The following ZNF513 variants were observed in gnomAD, a reference collection of about 807,000 sequenced individuals.
ZNF513 encodes zinc finger protein 513.
ZNF513 carries 16 observed loss-of-function variants against 39.7 expected under a neutral mutation model. That is an observed-to-expected ratio of 0.40 (90% CI 0.27 to 0.61). ZNF513 has a LOEUF of 0.61. Ranked by LOEUF, ZNF513 falls within the 20% of genes least tolerant of loss-of-function variation. The probability of loss-of-function intolerance (pLI) is 0.39; values close to 1 mark genes in which losing one functional copy is unlikely to be tolerated. For missense variants in ZNF513, 699 were observed against 743.6 expected (o/e 0.94, Z 0.70); for synonymous variants, 348 against 296.5 (o/e 1.17, Z -1.79).
Position 27,378,954 on chromosome 2 carries a change from TGG to T in ZNF513, c.310_311del (p.Pro104SerfsTer10). On this transcript the variant is annotated frameshift_variant, in exon 3 of 4. Coordinates refer to ENST00000323703, the MANE Select transcript of ZNF513 (RefSeq NM_144631.6). LOFTEE classifies it high-confidence loss of function. This position sits in a 1 kb window ranked among gnomAD's most constrained non-coding sequence, Gnocchi z 8.0. Reference sequence around the variant, plus strand: ...CCCTGGCCTCCCCTGGACCCCTGGCTGGCTCCTCAACTTCACTCTCCGCACTT... The same window carrying T: ...CCCTGGCCTCCCCTGGACCCCTGGCTCTCCTCAACTTCACTCTCCGCACTT... ...ALSAESEVEEPARGPGEARGE... is the reference protein window; with the variant it reads ...ALSAESEVEEXARGPGEARGE... The T allele has an allele frequency of 6.2e-7, 1 of 1,611,996 alleles. No homozygotes were observed. The highest frequency in any genetic ancestry group is 8.5e-7 in the Non-Finnish European group (1 of 1,179,124).
chr2:27,377,711 T>C lies in ZNF513; in HGVS notation c.1460A>G (p.Tyr487Cys). The C allele has an allele frequency of 6.2e-7, 1 of 1,614,190 alleles. No individual in the cohort carries two copies. The highest frequency in any genetic ancestry group is 8.5e-7 in the Non-Finnish European group (1 of 1,180,030). Residue 487 changes from tyrosine to cysteine, a missense_variant, in exon 4 of 4, where the codon TAC becomes TGC. This residue lies in a region of ZNF513 where 98 missense variants were observed against 180.2 expected (regional missense o/e 0.54). Transcript: ENST00000323703. This position sits in a 1 kb window ranked among gnomAD's most constrained non-coding sequence, Gnocchi z 4.4. ...GCCATGCACCTTCTGGTGGCGCTTGTAGTTGTCCCAGTGGCCCGTGGTATA... is the reference window on the plus strand; with the variant it reads ...GCCATGCACCTTCTGGTGGCGCTTGCAGTTGTCCCAGTGGCCCGTGGTATA... ...CAYTTGHWDN[Y>C]KRHQKVHGHG...
rs753481009 is a variant in ZNF513, at chr2:27,378,649, T to C, written c.617A>G (p.Tyr206Cys). 2.5e-6 allele frequency: 4 copies of C among 1,613,812 alleles called. No homozygotes were observed. Among genetic ancestry groups the C allele is most frequent in the South Asian group, 1.1e-5 (1 of 91,074 alleles). ...GGCAAAGGGGCAGTGGGGACAGCGG[T>C]AGGGCTTCTCGCCAGTGTGGGTGCG... ...HTRTHTGEKP[Y>C]RCPHCPFACS... The change falls in exon 3 of 4, where the codon TAC (tyrosine) becomes TGC (cysteine). Residue 206 changes from tyrosine to cysteine, a missense_variant. Physicochemically the swap from Tyr to Cys is radical, Grantham distance 194. Transcript: ENST00000323703. This position sits in a 1 kb window ranked among gnomAD's most constrained non-coding sequence, Gnocchi z 8.0.
Position 27,380,656 on chromosome 2 carries a change from G to A in ZNF513, c.-130C>T. The A allele has an allele frequency of 7.5e-7, 1 of 1,333,594 alleles. No homozygotes were observed. Among genetic ancestry groups the A allele is most frequent in the South Asian group, 2.0e-5 (1 of 50,654 alleles). 82.6% of individuals were successfully genotyped at this position (1,333,594 alleles called of 1,614,324 possible). ...CCCCCATGCAGCGGCGCGGGCCCTG[G>A]GCAGCCCCCGGCCCTGGCCCCGGCG... On this transcript the variant is annotated 5_prime_UTR_variant, in exon 1 of 4. Coordinates refer to ENST00000323703, the MANE Select transcript of ZNF513 (RefSeq NM_144631.6).
chr2:27,378,297 G>C lies in ZNF513; in HGVS notation c.874C>G (p.Leu292Val). 6.2e-7 allele frequency: 1 copy of C among 1,600,908 alleles called. No individual in the cohort carries two copies. The highest frequency in any genetic ancestry group is 1.1e-5 in the South Asian group (1 of 91,086). Residue 292 changes from leucine (L) to valine (V), a missense_variant, in exon 4 of 4, where the codon CTG becomes GTG. This residue lies in a region of ZNF513 where 530 missense variants were observed against 499.3 expected (regional missense o/e 1.06). Coordinates refer to ENST00000323703, the MANE Select transcript of ZNF513 (RefSeq NM_144631.6). This position sits in a 1 kb window ranked among gnomAD's most constrained non-coding sequence, Gnocchi z 8.0. ...CAGAGGCCCTCCCCTTCACCCCGCA[G>C]CTGCCCACAGTCTGGCAGGAAACTG... ...GASFLPDCGQ[L>V]RGEGEGLCGT... is the part of the protein sequence containing the mutation.
Position 27,377,265 on chromosome 2 carries a change from T to C in ZNF513, c.*280A>G. 1.7e-6 allele frequency: 1 copy of C among 595,540 alleles called. No homozygotes were observed. Among genetic ancestry groups the C allele is most frequent in the Non-Finnish European group, 3.0e-6 (1 of 332,930 alleles). 36.9% of individuals were successfully genotyped at this position (595,540 alleles called of 1,614,324 possible). On this transcript the variant is annotated 3_prime_UTR_variant, in exon 4 of 4. Coordinates refer to ENST00000323703, the MANE Select transcript of ZNF513 (RefSeq NM_144631.6). This position sits in a 1 kb window ranked among gnomAD's most constrained non-coding sequence, Gnocchi z 4.4. ...TAGTGTTTCCTTTATTATAAAGCAC[T>C]GAAATAAGTTAAATAAACAGGTGGG...
Position 27,380,304 on chromosome 2 carries a change from ACACTTCC to A in ZNF513, c.56-63_56-57del. On this transcript the variant is annotated intron_variant, in intron 1 of 3. Coordinates refer to ENST00000323703, the MANE Select transcript of ZNF513 (RefSeq NM_144631.6). ...CCTCAGGAACCAGCCCTCGTGGACC[ACACTTCC>A]CGTACTCGCTGACCCACTCTGATTC... The A allele has an allele frequency of 2.5e-6, 4 of 1,612,466 alleles. No individual in the cohort carries two copies. The South Asian group carries it at 4.4e-5, about 18-fold the overall frequency.
Position 27,378,824 on chromosome 2 carries a change from G to A in ZNF513, c.442C>T (p.Leu148=). 2 of 1,612,218 alleles carry A rather than the reference G, an allele frequency of 1.2e-6. No individual in the cohort carries two copies. The highest frequency in any genetic ancestry group is 1.7e-6 in the Non-Finnish European group (2 of 1,179,204). The part of the protein sequence containing the change: ...PGGGPLLPPR[L]LYSCRLCTFV... ...GTGCAGAGGCGGCATGAGTACAGTA[G>A]CCGTGGGGGCAGCAGGGGCCCCCCA... is the stretch of plus-strand genomic sequence containing the variant. Residue 148 remains leucine, a synonymous_variant, in exon 3 of 4, where the codon CTA becomes TTA. Coordinates refer to ENST00000323703, the MANE Select transcript of ZNF513 (RefSeq NM_144631.6). The surrounding 1 kb of genome is among the most constrained non-coding windows in gnomAD (Gnocchi z 8.0).
rs374008285 is a variant in ZNF513 at position 27,380,535 on chromosome 2, G to A, written c.-9C>T. On this transcript the variant is annotated 5_prime_UTR_variant, in exon 1 of 4. Coordinates refer to ENST00000323703, the MANE Select transcript of ZNF513 (RefSeq NM_144631.6). ...TGCTTCCTTCGGGGCATCGTGACCG[G>A]CTCCAGCCCGACGCGCCTCCGGCCT... 46 of 1,563,526 alleles carry A rather than the reference G, an allele frequency of 2.9e-5. No individual in the cohort carries two copies. In the African/African-American group the frequency reaches 5.2e-4, roughly 18 times the overall value.
chr2:27,377,534 A>G lies in ZNF513; in HGVS notation c.*11T>C. ...TCCGTCTGTATAAAACATGGGGAAG[A>G]AGGACCTAGTTCAGGATGAGTCTGT... On this transcript the variant is annotated 3_prime_UTR_variant, in exon 4 of 4. Transcript: ENST00000323703. This position sits in a 1 kb window ranked among gnomAD's most constrained non-coding sequence, Gnocchi z 4.4. The G allele has an allele frequency of 6.2e-7, 1 of 1,613,740 alleles. No homozygotes were observed.
chr2:27,377,701 G>A lies in ZNF513; in HGVS notation c.1470C>T (p.His490=). The A allele has an allele frequency of 6.2e-7, 1 of 1,614,232 alleles. No individual in the cohort carries two copies. The highest frequency in any genetic ancestry group is 8.5e-7 in the Non-Finnish European group (1 of 1,180,038). Reference sequence around the variant, plus strand: ...CCCCACCGTGGCCATGCACCTTCTGGTGGCGCTTGTAGTTGTCCCAGTGGC... The same window carrying A: ...CCCCACCGTGGCCATGCACCTTCTGATGGCGCTTGTAGTTGTCCCAGTGGC... ...TTGHWDNYKR[H]QKVHGHGGAG... The change falls in exon 4 of 4, where the codon CAC becomes CAT. Residue 490 remains histidine, a synonymous_variant. Transcript: ENST00000323703. This position sits in a 1 kb window ranked among gnomAD's most constrained non-coding sequence, Gnocchi z 4.4.
At chr2:27,380,054 C>CA in intron 2 of ZNF513, 39 bp downstream of exon 2, 1 of 1,613,688 alleles carries the variant, frequency 6.2e-7, no homozygotes, top group Non-Finnish European at 8.5e-7. Flanking sequence ...CTGGGGTCTC[C>CA]AGCGGCCGCT....
intron 2 of ZNF513, among the ~76,000 whole-genome samples, chr2:27,379,653 G>A (rs1040104871): frequency 3.3e-5 from 5 of 152,188 alleles, no homozygotes; most frequent in Non-Finnish European, 7.3e-5. Flanking sequence ...ACAGGGAAGA[G>A]GGACATGGAA....
chr2:27,378,673 C>T lies in ZNF513; in HGVS notation c.593G>A (p.Arg198His), dbSNP rs1275844359. ...GTAGGGCTTCTCGCCAGTGTGGGTGCGGGTATGTCGTGTCAGGTTGACGAG... is the reference window on the plus strand; with the variant it reads ...GTAGGGCTTCTCGCCAGTGTGGGTGTGGGTATGTCGTGTCAGGTTGACGAG... ...AQLVNLTRHT[R>H]THTGEKPYRC... The change falls in exon 3 of 4, where the codon CGC (arginine) becomes CAC (histidine). Residue 198 changes from arginine (R) to histidine (H), a missense_variant. Arg to His is a conservative substitution (Grantham distance 29). This residue lies in a region of ZNF513 where 530 missense variants were observed against 499.3 expected (regional missense o/e 1.06). Coordinates refer to ENST00000323703, the MANE Select transcript of ZNF513 (RefSeq NM_144631.6). This position sits in a 1 kb window ranked among gnomAD's most constrained non-coding sequence, Gnocchi z 8.0. 1.1e-5 allele frequency: 17 copies of T among 1,613,698 alleles called. No individual in the cohort carries two copies. The highest frequency in any genetic ancestry group is 2.7e-5 in the African/African-American group (2 of 75,042).
rs141500538 is a variant in ZNF513, at chr2:27,379,202, C to T, written c.212-148G>A. On this transcript the variant is annotated intron_variant, in intron 2 of 3. Coordinates refer to ENST00000323703, the MANE Select transcript of ZNF513 (RefSeq NM_144631.6). ...GTTCCCTCCTAGGAATCAAGGTCTC[C>T]CCTGCAGTAATTCCAGAAAATTCAA... is the stretch of plus-strand genomic sequence containing the variant. 5 of 734,958 alleles carry T rather than the reference C, an allele frequency of 6.8e-6. No individual in the cohort carries two copies. In the African/African-American group the frequency reaches 8.8e-5, roughly 13 times the overall value. The allele number at this position is 734,958 out of a possible 1,614,324, so 45.5% of individuals were successfully genotyped here.
intron 2 of ZNF513, 70 bp downstream of exon 2, chr2:27,380,023 C>G: frequency 2.5e-6 from 4 of 1,606,620 alleles, no homozygotes; most frequent in Non-Finnish European, 2.6e-6. Flanking sequence ...GTTCTGTTCA[C>G]CTAACCTGCC....
Position 27,378,686 on chromosome 2 carries a change from T to A in ZNF513, c.580A>T (p.Thr194Ser). The change falls in exon 3 of 4, where the codon ACA becomes TCA. Residue 194 changes from threonine (T) to serine (S), a missense_variant. Transcript: ENST00000323703. This position sits in a 1 kb window ranked among gnomAD's most constrained non-coding sequence, Gnocchi z 8.0. ...CCAGTGTGGGTGCGGGTATGTCGTG[T>A]CAGGTTGACGAGCTGGGCTGAGGCG... The part of the protein sequence containing the change: ...PYASAQLVNL[T>S]RHTRTHTGEK... The A allele has an allele frequency of 6.2e-7, 1 of 1,613,834 alleles. No individual in the cohort carries two copies.
At chr2:27,380,398 C>A in intron 1 of ZNF513, 74 bp downstream of exon 1, 3 of 1,577,544 alleles carry the variant, frequency 1.9e-6, no homozygotes, top group Non-Finnish European at 2.6e-6. Flanking sequence ...CAGGAGTCCC[C>A]CTCCACCCTG....
rs560324766 is a variant in ZNF513, at chr2:27,377,416, C to T, written c.*129G>A. 7.8e-4 allele frequency: 796 copies of T among 1,026,952 alleles called. 1 individual carries two copies. The highest frequency in any genetic ancestry group is 1.1e-3 in the Non-Finnish European group (736 of 678,698). 63.6% of individuals were successfully genotyped at this position (1,026,952 alleles called of 1,614,324 possible). The stretch of plus-strand genomic sequence containing the variant: ...GCAAGGTCCCCTGGTCCATATGGGC[C>T]CCCCCGCCCATGGGGTTGGGCTGGT... On this transcript the variant is annotated 3_prime_UTR_variant, in exon 4 of 4. Transcript: ENST00000323703. This position sits in a 1 kb window ranked among gnomAD's most constrained non-coding sequence, Gnocchi z 4.4.
Position 27,378,904 on chromosome 2 carries a change from T to C in ZNF513, c.362A>G (p.Gln121Arg). ...ARGERPGPAC[Q>R]LCGGPTGEGP... ...CTCACCTGTCGGCCCCCCACACAGC[T>C]GGCAGGCTGGGCCTGGCCTCTCACC... The change falls in exon 3 of 4, where the codon CAG (glutamine) becomes CGG (arginine). Residue 121 changes from glutamine (Q) to arginine (R), a missense_variant. Coordinates refer to ENST00000323703, the MANE Select transcript of ZNF513 (RefSeq NM_144631.6). This position sits in a 1 kb window ranked among gnomAD's most constrained non-coding sequence, Gnocchi z 8.0. The C allele has an allele frequency of 6.2e-7, 1 of 1,604,722 alleles. No homozygotes were observed. Among genetic ancestry groups the C allele is most frequent in the Non-Finnish European group, 8.5e-7 (1 of 1,175,450 alleles).
Sources: allele counts gnomAD v4.1 joint callset (sites outside exome capture counted in the v4.1 genomes callset), GRCh38; gene constraint gnomAD v4.1.1; regional missense constraint gnomAD v4.1.1; non-coding constraint Gnocchi (gnomAD v3.1); transcripts MANE v1.5; gene names NCBI Gene and HGNC (gene_info 2026-07-23, HGNC 2026-07-21).